The following NFAT5 variants were observed in gnomAD, a reference collection of about 807,000 sequenced individuals.
NFAT5 encodes nuclear factor of activated T cells 5.
In NFAT5, 31 loss-of-function variants were observed where a neutral mutation model predicts 166.5. That is an observed-to-expected ratio of 0.19 (90% CI 0.14 to 0.25). The LOEUF (loss-of-function observed/expected upper bound fraction) is 0.25. Among genes scored for constraint, NFAT5 ranks in the 10% least tolerant of loss-of-function variants. NFAT5 has a pLI of 1.00. For synonymous variants in NFAT5, 612 were observed against 639.7 expected (o/e 0.96, Z 0.65); for missense variants, 1,449 against 1,821.8 (o/e 0.80, Z 3.72).
In NFAT5 at chr16:69,670,301, CT is replaced by C. The variant is rs3217435; in HGVS notation, c.1557+20del. 0.46 allele frequency: 706,796 copies of C among 1,520,888 alleles called. 173,192 individuals carry two copies. The highest frequency in any genetic ancestry group is 0.79 in the East Asian group (34,582 of 43,728). The allele number at this position is 1,520,888 out of a possible 1,614,324, so 94.2% of individuals were successfully genotyped here. A position where few individuals can be genotyped will look rare whatever the true frequency, so the allele number is the denominator to read the frequency against. On this transcript the variant is annotated intron_variant, in intron 9 of 14. Coordinates refer to ENST00000349945, the MANE Select transcript of NFAT5 (RefSeq NM_138713.4). ...ACTATTTCATCAGGTAAAATTTAAGCTTTTTTTATAATTTGGTTATTTACTC... is the reference window on the plus strand; with the variant it reads ...ACTATTTCATCAGGTAAAATTTAAGCTTTTTTATAATTTGGTTATTTACTC...
chr16:69,683,591 C>T (rs888453285), intron 10 of NFAT5, among the ~76,000 whole-genome samples: 8 of 152,218 alleles, frequency 5.3e-5, no homozygotes, highest in South Asian at 4.1e-4. Flanking sequence ...GAAGCAAGAA[C>T]GAATTTATTT....
At position 69,566,395 on chromosome 16, in the gene NFAT5, T is replaced by C; in HGVS notation, c.73+21T>C. On this transcript the variant is annotated intron_variant, in intron 1 of 14. Coordinates refer to ENST00000349945, the MANE Select transcript of NFAT5 (RefSeq NM_138713.4). This position sits in a 1 kb window ranked among gnomAD's most constrained non-coding sequence, Gnocchi z 5.7. ...GCGAGGTGAGTCAGGCTGTGGGGGG[T>C]GGGGCGTGGGGGCGGGGAGACAGGG... 2 of 539,792 alleles carry C rather than the reference T, an allele frequency of 3.7e-6. No homozygotes were observed. The highest frequency in any genetic ancestry group is 3.3e-6 in the Non-Finnish European group (1 of 303,314). The allele number at this position is 539,792 out of a possible 1,614,324, so 33.4% of individuals were successfully genotyped here.
chr16:69,635,644 A>T (rs1241886360), intron 3 of NFAT5, among the ~76,000 whole-genome samples: 1 of 152,208 alleles, frequency 6.6e-6, no homozygotes, highest in Non-Finnish European at 1.5e-5. Context: ...GGCAAAAGGC[A>T]CTTCTTACAT....
At position 69,690,920 on chromosome 16, in the gene NFAT5, T is replaced by TTG. The variant is rs757843219; in HGVS notation, c.1775-10_1775-9dup. ...ATTTTGTGATTTTAAACTTTTCTTTTTGTGTGTGTGTATATGCAGCAATGA... is the reference window on the plus strand; with the variant it reads ...ATTTTGTGATTTTAAACTTTTCTTTTTGTGTGTGTGTGTATATGCAGCAATGA... On this transcript the variant is annotated intron_variant, in intron 11 of 14. Coordinates refer to ENST00000349945, the MANE Select transcript of NFAT5 (RefSeq NM_138713.4). 2 of 1,453,236 alleles carry TTG rather than the reference T, an allele frequency of 1.4e-6. No individual in the cohort carries two copies. Among genetic ancestry groups the TTG allele is most frequent in the Non-Finnish European group, 9.1e-7 (1 of 1,097,110 alleles). 90.0% of individuals were successfully genotyped at this position (1,453,236 alleles called of 1,614,324 possible). A position where few individuals can be genotyped will look rare whatever the true frequency, so the allele number is the denominator to read the frequency against.
At chr16:69,686,846 C>G (rs1345240426) in intron 11 of NFAT5, among the ~76,000 whole-genome samples, 1 of 151,872 alleles carries the variant, frequency 6.6e-6, no homozygotes, top group African/African-American at 2.4e-5. Flanking sequence ...CTGGGCGACA[C>G]AGTAAAACTC....
Position 69,579,537 on chromosome 16 carries a change from A to G in NFAT5, c.127+10989A>G, listed in dbSNP as rs544374441. 7.9e-5 allele frequency among the ~76,000 whole-genome samples: 12 copies of G among 152,326 alleles called. No individual in the cohort carries two copies. The South Asian group carries it at 2.5e-3, about 32-fold the overall frequency. ...AACTAAATTACCACTGTATTACAGT[A>G]AATACAAACAACATACTTACAGTGT... On this transcript the variant is annotated intron_variant, in intron 2 of 14. Transcript: ENST00000349945.
At chr16:69,640,533 T>C (rs1597453138) in intron 3 of NFAT5, among the ~76,000 whole-genome samples, 1 of 152,254 alleles carries the variant, frequency 6.6e-6, no homozygotes, top group Non-Finnish European at 1.5e-5. Flanking sequence ...ACAGCTTTTT[T>C]CTCTGAATAT....
At chr16:69,639,163 G>A (rs1033420273) in intron 3 of NFAT5, among the ~76,000 whole-genome samples, 1 of 152,030 alleles carries the variant, frequency 6.6e-6, no homozygotes, top group Non-Finnish European at 1.5e-5. Context: ...TCTTCCATTA[G>A]GAAAGAATTT....
intron 2 of NFAT5, among the ~76,000 whole-genome samples, chr16:69,620,842 T>C (rs2034164820): frequency 6.6e-6 from 1 of 152,240 alleles, no homozygotes; most frequent in Non-Finnish European, 1.5e-5. Context: ...TGTGATGAAT[T>C]ATGACATAAG....
rs976888345 is a variant in NFAT5, at chr16:69,699,219, G to A, written c.*2868G>A. On this transcript the variant is annotated 3_prime_UTR_variant, in exon 15 of 15. Transcript: ENST00000349945. ...GTTAATACTGCACTGTGGATGAAGT[G>A]GCGACTGGCTTGTGTGCTGACTTCT... is the stretch of plus-strand genomic sequence containing the variant. The A allele has an allele frequency of 6.5e-6, 1 of 153,374 alleles. No individual in the cohort carries two copies. The highest frequency in any genetic ancestry group is 2.4e-5 in the African/African-American group (1 of 41,450). 9.5% of individuals were successfully genotyped at this position (153,374 alleles called of 1,614,324 possible).
chr16:69,675,880 A>T (rs2036813077), intron 9 of NFAT5, among the ~76,000 whole-genome samples: 1 of 152,172 alleles, frequency 6.6e-6, no homozygotes, highest in African/African-American at 2.4e-5. Flanking sequence ...ACCTCAGGTG[A>T]TCTGCCCACC....
At chr16:69,646,182 A>G in intron 3 of NFAT5, among the ~76,000 whole-genome samples, 1 of 152,210 alleles carries the variant, frequency 6.6e-6, no homozygotes, top group East Asian at 1.9e-4. Flanking sequence ...CAAGTACTTT[A>G]TTAAGAGAAA....
At chr16:69,625,277 A>G (rs563735762) in intron 2 of NFAT5, among the ~76,000 whole-genome samples, 8 of 152,194 alleles carry the variant, frequency 5.3e-5, no homozygotes, top group Middle Eastern at 3.4e-3. Flanking sequence ...TATTTCTGTT[A>G]AAAACCTATA....
chr16:69,588,015 T>C (rs1203293196), intron 2 of NFAT5, among the ~76,000 whole-genome samples: 1 of 146,698 alleles, frequency 6.8e-6, no homozygotes, highest in African/African-American at 2.5e-5. Context: ...TGCAGTGGTA[T>C]GATTCCGGCT....
In NFAT5 at chr16:69,659,385, G is replaced by A. The variant is rs534764661; in HGVS notation, c.1197-342G>A. On this transcript the variant is annotated intron_variant, in intron 6 of 14. Transcript: ENST00000349945. Reference sequence around the variant, plus strand: ...TGAACCCCAGGAGACAGAGGTTGCAGTGAGCCGAGATCACGCCACTGCACT... The same window carrying A: ...TGAACCCCAGGAGACAGAGGTTGCAATGAGCCGAGATCACGCCACTGCACT... 3.9e-5 allele frequency among the ~76,000 whole-genome samples: 6 copies of A among 152,214 alleles called. No individual in the cohort carries two copies. In the South Asian group the frequency reaches 1.2e-3, roughly 32 times the overall value.
chr16:69,634,035 T>TC (rs1555525339), intron 3 of NFAT5, among the ~76,000 whole-genome samples: 2 of 151,780 alleles, frequency 1.3e-5, no homozygotes, highest in Non-Finnish European at 2.9e-5. Flanking sequence ...CCCAGCACTT[T>TC]GGGGGGCCGA....
At chr16:69,683,921 A>C (rs1334706070) in intron 10 of NFAT5, among the ~76,000 whole-genome samples, 2 of 152,136 alleles carry the variant, frequency 1.3e-5, no homozygotes, top group African/African-American at 4.8e-5. Context: ...CAACATGGTG[A>C]AACCCCATCT....
At chr16:69,635,023 GTTTTTTT>G (rs530661389) in intron 3 of NFAT5, among the ~76,000 whole-genome samples, 2 of 105,268 alleles carry the variant, frequency 1.9e-5, no homozygotes, top group Non-Finnish European at 3.6e-5. Flanking sequence ...TGTTAGTAAA[GTTTTTTT>G]TTTTTTTTTT....
intron 3 of NFAT5, among the ~76,000 whole-genome samples, chr16:69,641,393 C>A (rs2035207400): frequency 6.6e-6 from 1 of 151,224 alleles, no homozygotes; most frequent in East Asian, 1.9e-4. Context: ...TCACTTAGCA[C>A]TCTTGCAAAA....
Sources: allele counts gnomAD v4.1 joint callset (sites outside exome capture counted in the v4.1 genomes callset), GRCh38; gene constraint gnomAD v4.1.1; non-coding constraint Gnocchi (gnomAD v3.1); transcripts MANE v1.5; gene names NCBI Gene and HGNC (gene_info 2026-07-23, HGNC 2026-07-21).